MGLL: variants seen among roughly 807,000 people sequenced by gnomAD.
MGLL encodes the protein monoglyceride lipase.
In MGLL, 7 loss-of-function variants were observed where a neutral mutation model predicts 29.1. That is an observed-to-expected ratio of 0.24 (90% confidence interval 0.14 to 0.45). The LOEUF is 0.45. Ranked by LOEUF, MGLL falls within the 20% of genes least tolerant of loss-of-function variation. MGLL has a pLI of 0.99. For synonymous variants in MGLL, 148 were observed against 168.3 expected, an observed-to-expected ratio of 0.88 and a Z score of 0.93; for missense variants, 356 against 413.6, an observed-to-expected ratio of 0.86 and a Z score of 1.21.
intron 2 of MGLL, among the ~76,000 whole-genome samples, chr3:127,795,174 C>T (rs1450689092): frequency 6.6e-6 from 1 of 152,172 alleles, no homozygotes; most frequent in African/African-American, 2.4e-5. Flanking sequence ...TACATATATG[C>T]AATGGAATAC....
In MGLL at chr3:127,761,504, C is replaced by T. The variant is rs2107682387; in HGVS notation, c.262+20285G>A. ...TCAGAGACAGCAGTCAAAGAGGCCACTTCTGCACTGCCTGGACCAGAGACT... is the reference window on the plus strand; with the variant it reads ...TCAGAGACAGCAGTCAAAGAGGCCATTTCTGCACTGCCTGGACCAGAGACT... On this transcript the variant is annotated intron_variant, in intron 3 of 7. Transcript: ENST00000265052. The surrounding 1 kb of genome is among the most constrained non-coding windows in gnomAD (Gnocchi z 4.6). Among the ~76,000 whole-genome samples, 1 of 152,386 alleles carries T rather than the reference C, an allele frequency of 6.6e-6. No individual in the cohort carries two copies. Among genetic ancestry groups the T allele is most frequent in the East Asian group, 1.9e-4 (1 of 5,194 alleles).
At chr3:127,722,361 C>G in intron 4 of MGLL, 69 bp downstream of exon 4, 1 of 1,605,958 alleles carries the variant, frequency 6.2e-7, no homozygotes, top group Non-Finnish European at 8.5e-7. Context: ...GAAGTCAGGG[C>G]CACCCCCTTC....
chr3:127,736,490 C>A, intron 3 of MGLL: 1 of 342,816 alleles, frequency 2.9e-6, no homozygotes, highest in Non-Finnish European at 4.1e-6. Context: ...CTTCATGCAT[C>A]CCTGCCCAGG....
At chr3:127,746,977 T>G (rs2076457992) in intron 3 of MGLL, among the ~76,000 whole-genome samples, 1 of 152,168 alleles carries the variant, frequency 6.6e-6, no homozygotes, top group Non-Finnish European at 1.5e-5. Context: ...CGCAAACAAG[T>G]GACTCAGCCC....
intron 6 of MGLL, among the ~76,000 whole-genome samples, chr3:127,705,710 A>G (rs1474570078): frequency 6.8e-6 from 1 of 147,680 alleles, no homozygotes; most frequent in Non-Finnish European, 1.5e-5. Context: ...TGGGAGGTGG[A>G]GGTTGTGGTA....
At chr3:127,738,134 T>C (rs565632829) in intron 3 of MGLL, among the ~76,000 whole-genome samples, 1 of 151,704 alleles carries the variant, frequency 6.6e-6, no homozygotes, top group East Asian at 2.0e-4. Flanking sequence ...ACCCCACCTG[T>C]ACAAAAAATA....
chr3:127,777,302 C>T (rs533634241), intron 3 of MGLL, among the ~76,000 whole-genome samples: 3 of 152,316 alleles, frequency 2.0e-5, no homozygotes, highest in South Asian at 2.1e-4. Flanking sequence ...CGGGGAAATG[C>T]TAATTTAATA....
intron 2 of MGLL, among the ~76,000 whole-genome samples, chr3:127,817,965 C>T (rs1227827910): frequency 1.1e-3 from 169 of 152,256 alleles, no homozygotes; most frequent in African/African-American, 3.5e-3. Flanking sequence ...GTATCCCCCC[C>T]TTTTTCTTTT....
At chr3:127,762,965 C>T (rs541228758) in intron 3 of MGLL, among the ~76,000 whole-genome samples, 1 of 152,336 alleles carries the variant, frequency 6.6e-6, no homozygotes, top group African/African-American at 2.4e-5. Flanking sequence ...TCACTCCAGA[C>T]TCTGCCTTCC....
chr3:127,707,691 G>A (rs1339648421), intron 6 of MGLL, among the ~76,000 whole-genome samples: 1 of 152,242 alleles, frequency 6.6e-6, no homozygotes, highest in Non-Finnish European at 1.5e-5. Context: ...GAGACCAGAA[G>A]GGCTCTAGTG....
Position 127,694,980 on chromosome 3 carries a change from G to A in MGLL, c.811C>T (p.Leu271Phe). 1.9e-6 allele frequency: 3 copies of A among 1,613,858 alleles called. No homozygotes were observed. The highest frequency in any genetic ancestry group is 2.5e-6 in the Non-Finnish European group (3 of 1,179,956). The change falls in exon 7 of 8, where the codon CTC (leucine) becomes TTC (phenylalanine). Residue 271 changes from leucine (L) to phenylalanine (F), a missense_variant. Leu to Phe is a conservative substitution (Grantham distance 22). Transcript: ENST00000265052. ...GGCAAGTGGCAGCCGCTCACCTTGA[G>A]AGTCTTGTCCTGGCTCTTGGCTAAC... ...MELAKSQDKTLKIYEGAYHVL... is the reference protein window; with the variant it reads ...MELAKSQDKTFKIYEGAYHVL...
At chr3:127,776,315 T>C in intron 3 of MGLL, among the ~76,000 whole-genome samples, 1 of 152,144 alleles carries the variant, frequency 6.6e-6, no homozygotes, top group Middle Eastern at 3.2e-3. Flanking sequence ...CTCGTGTATC[T>C]TTTAAAATCC....
At chr3:127,710,914 A>C in intron 5 of MGLL, 1 of 528,218 alleles carries the variant, frequency 1.9e-6, no homozygotes, top group Non-Finnish European at 3.4e-6. Context: ...CAAGGTGGGA[A>C]GTCACGTCTG....
intron 2 of MGLL, among the ~76,000 whole-genome samples, chr3:127,808,729 A>T (rs746508670): frequency 3.3e-5 from 5 of 152,182 alleles, no homozygotes; most frequent in Non-Finnish European, 7.3e-5. Context: ...CTCCAACATC[A>T]GCCTCTCTTC....
intron 2 of MGLL, among the ~76,000 whole-genome samples, chr3:127,810,643 C>T (rs1438859090): frequency 2.0e-5 from 3 of 152,216 alleles, no homozygotes; most frequent in Non-Finnish European, 2.9e-5. Context: ...AGCAGGGCAA[C>T]TTCATTTCTT....
At chr3:127,719,106 A>T (rs1032974657) in intron 5 of MGLL, among the ~76,000 whole-genome samples, 1 of 152,214 alleles carries the variant, frequency 6.6e-6, no homozygotes, top group African/African-American at 2.4e-5. Flanking sequence ...GCTGGCTCCG[A>T]ATGTCACAAG....
chr3:127,736,855 T>A (rs769338103), intron 3 of MGLL, among the ~76,000 whole-genome samples: 1 of 152,124 alleles, frequency 6.6e-6, no homozygotes, highest in Non-Finnish European at 1.5e-5. Context: ...TCACCACGCC[T>A]GGCTAATTTT....
At chr3:127,710,527 A>G in intron 6 of MGLL, 49 bp downstream of exon 6, 1 of 1,445,510 alleles carries the variant, frequency 6.9e-7, no homozygotes. Flanking sequence ...CTGATTCCCC[A>G]TGGGGGCAGC....
intron 3 of MGLL, among the ~76,000 whole-genome samples, chr3:127,756,359 T>C (rs577181282): frequency 9.9e-5 from 15 of 152,280 alleles, no homozygotes; most frequent in African/African-American, 2.9e-4. Flanking sequence ...CCTATGCAAA[T>C]TAACTGGTCC....
Sources: allele counts gnomAD v4.1 joint callset (sites outside exome capture counted in the v4.1 genomes callset), GRCh38; gene constraint gnomAD v4.1.1; non-coding constraint Gnocchi (gnomAD v3.1); transcripts MANE v1.5; gene names NCBI Gene and HGNC (gene_info 2026-07-23, HGNC 2026-07-21).